The following PDE1C variants were observed in gnomAD, a reference collection of about 807,000 sequenced individuals.
The protein encoded by PDE1C is phosphodiesterase 1C, also known as dual specificity calcium/calmodulin-dependent 3',5'-cyclic nucleotide phosphodiesterase 1C.
A neutral mutation model predicts 93.1 loss-of-function variants in PDE1C; 62 were observed. The ratio of observed to expected loss-of-function variants is 0.67; its 90% CI spans 0.54 to 0.82. PDE1C has a LOEUF of 0.82. Among genes scored for constraint, PDE1C ranks in the 40% least tolerant of loss-of-function variants. The probability of loss-of-function intolerance (pLI) is 0.00; values close to 1 mark genes in which losing one functional copy is unlikely to be tolerated. For synonymous variants in PDE1C, 325 were observed against 310.1 expected, an observed-to-expected ratio of 1.05 and a Z score of -0.50; for missense variants, 742 against 884.6, an observed-to-expected ratio of 0.84 and a Z score of 2.04.
chr7:32,029,054 A>G lies in PDE1C; in HGVS notation c.128+22500T>C, dbSNP rs189130033. Among the ~76,000 whole-genome samples the G allele has an allele frequency of 2.0e-4, 30 of 152,286 alleles. No homozygotes were observed. In the East Asian group the frequency reaches 4.6e-3, roughly 24 times the overall value. ...CAAACAATTCAATAGCAAAAAAACA[A>G]AAAGCCTAATTTAAAAATGGGCAAG... On this transcript the variant is annotated intron_variant, in intron 2 of 17. Transcript: ENST00000396191.
At chr7:32,047,471 T>A (rs1367907247) in intron 2 of PDE1C, among the ~76,000 whole-genome samples, 1 of 152,184 alleles carries the variant, frequency 6.6e-6, no homozygotes, top group African/African-American at 2.4e-5. Context: ...CTACTACCTA[T>A]TGATTCCCTT....
chr7:31,707,336 G>A, the PDE1C span: 4 of 1,461,608 alleles, frequency 2.7e-6, no homozygotes, highest in African/African-American at 2.8e-5. Context: ...TCCCTGTGGT[G>A]ACCTAGAGAA....
chr7:31,674,028 C>T, the PDE1C span, among the ~76,000 whole-genome samples: 1 of 152,132 alleles, frequency 6.6e-6, no homozygotes, highest in African/African-American at 2.4e-5. Context: ...CTTAAATGTA[C>T]AGTAAATTGC....
intron 1 of PDE1C, among the ~76,000 whole-genome samples, chr7:32,225,146 G>A (rs1562596204): frequency 6.6e-6 from 1 of 152,112 alleles, no homozygotes; most frequent in Non-Finnish European, 1.5e-5. Context: ...TCACATACTG[G>A]CAACCTGGCT....
intron 1 of PDE1C, among the ~76,000 whole-genome samples, chr7:32,415,116 A>G (rs1410759128): frequency 6.6e-6 from 1 of 152,146 alleles, no homozygotes; most frequent in Non-Finnish European, 1.5e-5. Flanking sequence ...CAAGTATTCG[A>G]GATCAGCCTG....
chr7:31,680,335 TG>T, the PDE1C span, among the ~76,000 whole-genome samples: 1 of 152,194 alleles, frequency 6.6e-6, no homozygotes, highest in Non-Finnish European at 1.5e-5. Context: ...GTTTCATTGA[TG>T]CAGGAGAATA....
At chr7:31,850,818 G>A in intron 7 of PDE1C, 77 bp from the exon 8 acceptor site, 3 of 1,004,540 alleles carry the variant, frequency 3.0e-6, no homozygotes, top group South Asian at 2.6e-5. Flanking sequence ...CACACCCACA[G>A]TGCTGCCTTT....
intron 7 of PDE1C, among the ~76,000 whole-genome samples, chr7:31,862,466 T>G (rs1197893963): frequency 6.6e-6 from 1 of 152,138 alleles, no homozygotes; most frequent in East Asian, 1.9e-4. Context: ...CCGGGTGACT[T>G]ATAAACAACA....
chr7:31,995,739 C>G (rs1445261114), intron 2 of PDE1C, among the ~76,000 whole-genome samples: 1 of 152,108 alleles, frequency 6.6e-6, no homozygotes, highest in Non-Finnish European at 1.5e-5. Flanking sequence ...CTGCTGAGAG[C>G]TGACGGGCCA....
chr7:31,682,922 G>A, the PDE1C span, among the ~76,000 whole-genome samples: 163 of 152,172 alleles, frequency 1.1e-3, no homozygotes, highest in Middle Eastern at 3.4e-3. Flanking sequence ...TAACATTCCC[G>A]AAATAATAAA....
intron 9 of PDE1C, among the ~76,000 whole-genome samples, chr7:31,841,030 C>G (rs1171687253): frequency 6.6e-6 from 1 of 152,002 alleles, no homozygotes; most frequent in Non-Finnish European, 1.5e-5. Flanking sequence ...TACATGATGA[C>G]AGTATATCTC....
At chr7:31,981,598 C>T (rs1812383908) in intron 2 of PDE1C, among the ~76,000 whole-genome samples, 1 of 152,162 alleles carries the variant, frequency 6.6e-6, no homozygotes, top group South Asian at 2.1e-4. Flanking sequence ...GTTTATCCCA[C>T]TATTTCAAAT....
chr7:32,267,572 T>TCA (rs1170613406), intron 1 of PDE1C, among the ~76,000 whole-genome samples: 40 of 117,050 alleles, frequency 3.4e-4, no homozygotes, highest in Admixed American at 6.2e-4. Context: ...TCTCTCTCTC[T>TCA]CACACACACA....
rs1312916603 is a variant in PDE1C at position 32,387,848 on chromosome 7, G to A, written c.310+39974C>T. Among the ~76,000 whole-genome samples the A allele has an allele frequency of 2.5e-5, 3 of 120,794 alleles. No homozygotes were observed. In the East Asian group the frequency reaches 6.2e-4, roughly 25 times the overall value. The allele number at this position is 120,794 out of a possible 152,430, so 79.2% of individuals were successfully genotyped here. A position where few individuals can be genotyped will look rare whatever the true frequency, so the allele number is the denominator to read the frequency against. ...CCCTCCAGGACGGGGCGGCTGGCCG[G>A]GCAGGGGGCTGACCCCCCTCCCCCC... On this transcript the variant is annotated intron_variant, in intron 1 of 1. Coordinates refer to the PDE1C transcript ENST00000672256.
At chr7:31,629,460 A>AG in the PDE1C span, among the ~76,000 whole-genome samples, 1 of 152,150 alleles carries the variant, frequency 6.6e-6, no homozygotes, top group Non-Finnish European at 1.5e-5. Context: ...GCTTGTAGGG[A>AG]GGGGGAATAG....
At chr7:31,993,960 C>T (rs1186561652) in intron 2 of PDE1C, among the ~76,000 whole-genome samples, 1 of 152,104 alleles carries the variant, frequency 6.6e-6, no homozygotes, top group Non-Finnish European at 1.5e-5. Context: ...TTCCCAATTT[C>T]CCTGTGTAGA....
intron 3 of PDE1C, among the ~76,000 whole-genome samples, chr7:32,145,916 A>C (rs2128784407): frequency 6.6e-6 from 1 of 152,282 alleles, no homozygotes; most frequent in South Asian, 2.1e-4. Flanking sequence ...ATCTGCAGTA[A>C]AAATAAATCA....
At chr7:32,249,098 G>T (rs1205918137) in intron 1 of PDE1C, among the ~76,000 whole-genome samples, 1 of 151,986 alleles carries the variant, frequency 6.6e-6, no homozygotes, top group Non-Finnish European at 1.5e-5. Flanking sequence ...GAAGGAGTGG[G>T]TGGCCTTGGG....
chr7:31,916,919 G>C (rs1801999221), intron 2 of PDE1C, among the ~76,000 whole-genome samples: 1 of 152,156 alleles, frequency 6.6e-6, no homozygotes, highest in African/African-American at 2.4e-5. Flanking sequence ...GAAATGTATG[G>C]ATTTGATGCT....
Sources: allele counts gnomAD v4.1 joint callset (sites outside exome capture counted in the v4.1 genomes callset), GRCh38; gene constraint gnomAD v4.1.1; transcripts MANE v1.5; gene names NCBI Gene and HGNC (gene_info 2026-07-23, HGNC 2026-07-21).